WDR72: variants seen among roughly 807,000 people sequenced by gnomAD.
WDR72 encodes WD repeat domain 72.
WDR72 carries 120 observed loss-of-function variants against 124.2 expected under a neutral mutation model. That is an observed-to-expected ratio of 0.97 (90% CI 0.83 to 1.12). The LOEUF is 1.12. WDR72 is among the 50% of genes most tolerant of loss of function. The pLI is 0.00. For missense variants in WDR72, 1,387 were observed against 1,278.8 expected, an observed-to-expected ratio of 1.08 and a Z score of -1.29; for synonymous variants, 452 against 441.7, an observed-to-expected ratio of 1.02 and a Z score of -0.29.
intron 13 of WDR72, among the ~76,000 whole-genome samples, chr15:53,683,725 G>C (rs1268150236): frequency 2.0e-5 from 3 of 152,064 alleles, no homozygotes; most frequent in Non-Finnish European, 2.9e-5. Flanking sequence ...AGGAGAGAGA[G>C]AAAGAGGAAG....
intron 13 of WDR72, among the ~76,000 whole-genome samples, chr15:53,669,292 C>T (rs1399434357): frequency 1.3e-5 from 2 of 152,028 alleles, no homozygotes; most frequent in African/African-American, 4.8e-5. Context: ...TTCTGGAAAG[C>T]TCCACCAGCA....
At chr15:53,638,815 C>G (rs1317015609) in intron 14 of WDR72, among the ~76,000 whole-genome samples, 1 of 151,762 alleles carries the variant, frequency 6.6e-6, no homozygotes, top group Non-Finnish European at 1.5e-5. Flanking sequence ...ACAGCCTGAC[C>G]AACATGGCAA....
At chr15:53,687,069 G>C (rs1025016890) in intron 13 of WDR72, among the ~76,000 whole-genome samples, 5 of 150,678 alleles carry the variant, frequency 3.3e-5, no homozygotes, top group Admixed American at 2.0e-4. Flanking sequence ...GCACTGTGTA[G>C]AGGGAAATTT....
rs1376632251 is a variant in WDR72, at chr15:53,515,204, G to T, written c.*2495C>A. Reference sequence around the variant, plus strand: ...TTATTACAATGACAGGAAGACTCCGGATACAAACACATTTGCTAATATAAT... The same window carrying T: ...TTATTACAATGACAGGAAGACTCCGTATACAAACACATTTGCTAATATAAT... On this transcript the variant is annotated 3_prime_UTR_variant, in exon 20 of 20. Coordinates refer to ENST00000360509, the MANE Select transcript of WDR72 (RefSeq NM_182758.4). The T allele has an allele frequency of 6.6e-6, 1 of 151,458 alleles. No homozygotes were observed. Among genetic ancestry groups the T allele is most frequent in the Non-Finnish European group, 1.5e-5 (1 of 67,864 alleles). The allele number at this position is 151,458 out of a possible 1,614,324, so 9.4% of individuals were successfully genotyped here. A position where few individuals can be genotyped will look rare whatever the true frequency, so the allele number is the denominator to read the frequency against.
intron 1 of WDR72, among the ~76,000 whole-genome samples, chr15:53,753,060 A>G (rs1212260518): frequency 1.3e-5 from 2 of 152,178 alleles, no homozygotes; most frequent in Middle Eastern, 3.2e-3. Flanking sequence ...ACAGCAAACC[A>G]AGTTTCATTC....
intron 13 of WDR72, among the ~76,000 whole-genome samples, chr15:53,670,015 T>G (rs529842685): frequency 6.6e-6 from 1 of 152,292 alleles, no homozygotes; most frequent in African/African-American, 2.4e-5. Flanking sequence ...CAAGGAAAGG[T>G]GCAGAGACAT....
chr15:53,742,031 T>G (rs2018524803), intron 1 of WDR72, among the ~76,000 whole-genome samples: 1 of 152,162 alleles, frequency 6.6e-6, no homozygotes, highest in Non-Finnish European at 1.5e-5. Flanking sequence ...TCTGGCTTGA[T>G]CTAGATAATT....
intron 13 of WDR72, among the ~76,000 whole-genome samples, chr15:53,695,071 T>C (rs1315052575): frequency 6.6e-6 from 1 of 152,156 alleles, no homozygotes; most frequent in Non-Finnish European, 1.5e-5. Context: ...TATCCAGCCC[T>C]CTACAGAAAA....
At chr15:53,575,061 C>A (rs1027148844) in intron 18 of WDR72, among the ~76,000 whole-genome samples, 2 of 151,696 alleles carry the variant, frequency 1.3e-5, no homozygotes, top group Admixed American at 1.3e-4. Context: ...TATGTATACA[C>A]ATACATGTAT....
chr15:53,612,845 A>G (rs2013603427), intron 16 of WDR72, among the ~76,000 whole-genome samples: 1 of 151,840 alleles, frequency 6.6e-6, no homozygotes, highest in Non-Finnish European at 1.5e-5. Context: ...CAGAGAGATG[A>G]TCAGGAGCCT....
chr15:53,639,517 T>TTTATTTATTTATAAAATTATATATAATG (rs2014759393), intron 14 of WDR72, among the ~76,000 whole-genome samples: 3 of 145,768 alleles, frequency 2.1e-5, no homozygotes, highest in African/African-American at 7.5e-5. Context: ...TATATATAAT[T>TTTATTTATTTATAAAATTATATATAATG]TTATTTATTT....
chr15:53,624,143 G>A (rs903812181), intron 14 of WDR72, among the ~76,000 whole-genome samples: 1 of 152,126 alleles, frequency 6.6e-6, no homozygotes, highest in East Asian at 1.9e-4. Flanking sequence ...AGGGTAAGAA[G>A]GTATGCATAT....
At chr15:53,599,214 C>T (rs1454210954) in intron 17 of WDR72, among the ~76,000 whole-genome samples, 2 of 151,812 alleles carry the variant, frequency 1.3e-5, no homozygotes, top group Non-Finnish European at 2.9e-5. Flanking sequence ...ATTGGTAAAC[C>T]ATGCTGATTT....
At chr15:53,648,601 T>G (rs2015125442) in intron 14 of WDR72, among the ~76,000 whole-genome samples, 2 of 152,160 alleles carry the variant, frequency 1.3e-5, no homozygotes, top group South Asian at 2.1e-4. Context: ...GTGTTTCTCC[T>G]CTTTTGAGTG....
At chr15:53,726,181 TA>T in intron 2 of WDR72, among the ~76,000 whole-genome samples, 1 of 140,890 alleles carries the variant, frequency 7.1e-6, no homozygotes. Flanking sequence ...GGTTGTAATA[TA>T]TATATATATA....
intron 13 of WDR72, among the ~76,000 whole-genome samples, chr15:53,697,898 T>C (rs554167917): frequency 5.1e-4 from 77 of 152,206 alleles, no homozygotes; most frequent in African/African-American, 1.8e-3. Context: ...AAGCTCCGCC[T>C]CCCGGGTTCA....
At chr15:53,734,848 G>A (rs2140619288) in intron 1 of WDR72, among the ~76,000 whole-genome samples, 1 of 151,082 alleles carries the variant, frequency 6.6e-6, no homozygotes, top group Non-Finnish European at 1.5e-5. Flanking sequence ...ATTCCGGAAT[G>A]AATTTCTTCA....
At chr15:53,609,643 A>G (rs1190021499) in intron 16 of WDR72, 51 bp from the exon 17 acceptor site, 1 of 1,486,666 alleles carries the variant, frequency 6.7e-7, no homozygotes. Flanking sequence ...AAAATGGATA[A>G]TGGCTCTTAA....
intron 18 of WDR72, among the ~76,000 whole-genome samples, chr15:53,555,194 A>C (rs1166011257): frequency 7.2e-6 from 1 of 138,712 alleles, no homozygotes; most frequent in Non-Finnish European, 1.6e-5. Flanking sequence ...ACTTTCTACA[A>C]TGTGAAGCCA....
Sources: gnomAD v4.1 joint callset for allele counts (sites outside exome capture counted in the v4.1 genomes callset) on GRCh38, gnomAD v4.1.1 for gene constraint, MANE v1.5 for transcripts, NCBI Gene and HGNC (gene_info 2026-07-23, HGNC 2026-07-21) for gene names.